GHR: variants seen among roughly 807,000 people sequenced by gnomAD.
GHR encodes the protein growth hormone receptor.
Under a neutral mutation model 67.1 loss-of-function variants are expected in GHR, and 35 were observed. The ratio of observed to expected loss-of-function variants is 0.52; its 90% confidence interval spans 0.40 to 0.69. GHR has a LOEUF of 0.69. Ranked by LOEUF, GHR falls within the 30% of genes least tolerant of loss-of-function variation. The probability of loss-of-function intolerance (pLI) is 0.00; values close to 1 mark genes in which losing one functional copy is unlikely to be tolerated. For missense variants in GHR, 792 were observed against 764.6 expected (o/e 1.04, Z -0.42); for synonymous variants, 272 against 269.1 (o/e 1.01, Z -0.10).
chr5:42,557,381 T>C (rs1437706376), intron 1 of GHR, among the ~76,000 whole-genome samples: 1 of 152,176 alleles, frequency 6.6e-6, no homozygotes, highest in Non-Finnish European at 1.5e-5. Context: ...CTCTTCATGA[T>C]ATATAAATGA....
chr5:42,472,818 CCTT>C (rs1168046256), intron 1 of GHR, among the ~76,000 whole-genome samples: 6 of 152,264 alleles, frequency 3.9e-5, no homozygotes, highest in African/African-American at 1.4e-4. Context: ...GGATTAGACT[CCTT>C]CTGCTGGATA....
intron 1 of GHR, among the ~76,000 whole-genome samples, chr5:42,523,552 A>G (rs1365746728): frequency 6.6e-6 from 1 of 152,150 alleles, no homozygotes; most frequent in Non-Finnish European, 1.5e-5. Flanking sequence ...TTGCACCCAT[A>G]TAAGGTGGGG....
chr5:42,664,747 G>A (rs375179820), intron 3 of GHR, among the ~76,000 whole-genome samples: 4 of 152,118 alleles, frequency 2.6e-5, no homozygotes, highest in Middle Eastern at 6.8e-3. Flanking sequence ...GACAAATGGG[G>A]TCTAATTAAA....
At chr5:42,442,315 G>T (rs930250044) in intron 1 of GHR, among the ~76,000 whole-genome samples, 2 of 152,202 alleles carry the variant, frequency 1.3e-5, no homozygotes, top group Admixed American at 1.3e-4. Context: ...TGAATTCATG[G>T]TACTACTGTT....
At chr5:42,576,102 A>G (rs1372973152) in intron 2 of GHR, among the ~76,000 whole-genome samples, 8 of 119,496 alleles carry the variant, frequency 6.7e-5, no homozygotes, top group African/African-American at 2.9e-4. Context: ...AATAAAATAA[A>G]TAAAATAAAA....
At chr5:42,575,964 G>A (rs1173734257) in intron 2 of GHR, among the ~76,000 whole-genome samples, 1 of 151,018 alleles carries the variant, frequency 6.6e-6, no homozygotes, top group African/African-American at 2.4e-5. Flanking sequence ...AACCCAGGAG[G>A]CAGAAGTTGC....
chr5:42,555,321 T>C (rs1749250054), intron 1 of GHR, among the ~76,000 whole-genome samples: 1 of 152,226 alleles, frequency 6.6e-6, no homozygotes, highest in Non-Finnish European at 1.5e-5. Flanking sequence ...TCAGCACTTA[T>C]GAATTATCAC....
chr5:42,472,586 A>G (rs1027531409), intron 1 of GHR, among the ~76,000 whole-genome samples: 2 of 152,214 alleles, frequency 1.3e-5, no homozygotes, highest in Non-Finnish European at 2.9e-5. Flanking sequence ...AGCCCATAAG[A>G]ATTTGAAGGA....
chr5:42,527,191 A>G (rs1297890687), intron 1 of GHR, among the ~76,000 whole-genome samples: 1 of 152,218 alleles, frequency 6.6e-6, no homozygotes, highest in Admixed American at 6.5e-5. Context: ...TAACCAGCTA[A>G]CAACACAATG....
chr5:42,628,293 G>A (rs534671699), intron 2 of GHR, among the ~76,000 whole-genome samples: 1 of 151,036 alleles, frequency 6.6e-6, no homozygotes, highest in South Asian at 2.1e-4. Context: ...TCCCATTTAG[G>A]GCTGCAGGTC....
chr5:42,507,973 T>C (rs185926995), intron 1 of GHR, among the ~76,000 whole-genome samples: 1 of 152,256 alleles, frequency 6.6e-6, no homozygotes, highest in Admixed American at 6.5e-5. Flanking sequence ...GGAATGGATA[T>C]GCTATAGGAG....
At chr5:42,678,460 A>G (rs952272828) in intron 3 of GHR, among the ~76,000 whole-genome samples, 14 of 152,176 alleles carry the variant, frequency 9.2e-5, no homozygotes, top group African/African-American at 3.1e-4. Flanking sequence ...GCAGCCCTGC[A>G]CATAGGTACA....
At chr5:42,515,527 G>A (rs1022427872) in intron 1 of GHR, among the ~76,000 whole-genome samples, 1 of 152,206 alleles carries the variant, frequency 6.6e-6, no homozygotes, top group Non-Finnish European at 1.5e-5. Context: ...AGTAATGGTC[G>A]ACACAGGCAG....
At chr5:42,504,744 C>T (rs575583935) in intron 1 of GHR, among the ~76,000 whole-genome samples, 13 of 152,034 alleles carry the variant, frequency 8.6e-5, no homozygotes, top group East Asian at 7.7e-4. Flanking sequence ...GAGAACGGAG[C>T]GAGATTCCGT....
At chr5:42,517,713 G>T (rs184797785) in intron 1 of GHR, among the ~76,000 whole-genome samples, 171 of 151,890 alleles carry the variant, frequency 1.1e-3, no homozygotes, top group African/African-American at 3.9e-3. Context: ...TATTGAAATT[G>T]TATGAGTTTC....
intron 1 of GHR, among the ~76,000 whole-genome samples, chr5:42,533,806 G>A (rs546490481): frequency 6.6e-6 from 1 of 151,788 alleles, no homozygotes; most frequent in East Asian, 1.9e-4. Flanking sequence ...CACCATATTT[G>A]TTTTCTTTTA....
Position 42,720,462 on chromosome 5 carries a change from C to A in GHR, c.*1038C>A, listed in dbSNP as rs532448303. The A allele has an allele frequency of 6.6e-6, 1 of 152,320 alleles. No homozygotes were observed. The highest frequency in any genetic ancestry group is 2.1e-4 in the South Asian group (1 of 4,828). The allele number at this position is 152,320 out of a possible 1,614,324, so 9.4% of individuals were successfully genotyped here. ...GCGTGCAGATGGTGAGAGATAAGAT[C>A]TATAGCCTCTGCAGCGGAATCTGTT... On this transcript the variant is annotated 3_prime_UTR_variant, in exon 10 of 10. Coordinates refer to ENST00000230882, the MANE Select transcript of GHR (RefSeq NM_000163.5).
chr5:42,689,275 G>C (rs751165911), intron 4 of GHR, among the ~76,000 whole-genome samples: 21 of 152,158 alleles, frequency 1.4e-4, no homozygotes, highest in Non-Finnish European at 2.4e-4. Context: ...CCAATGCAGG[G>C]AGACAGGCAA....
At chr5:42,534,823 CTGT>C (rs1748183952) in intron 1 of GHR, among the ~76,000 whole-genome samples, 2 of 151,824 alleles carry the variant, frequency 1.3e-5, no homozygotes, top group African/African-American at 4.8e-5. Context: ...CCAACATCTA[CTGT>C]TTTATTATTA....
Sources: gnomAD v4.1 joint callset for allele counts (sites outside exome capture counted in the v4.1 genomes callset) on GRCh38, gnomAD v4.1.1 for gene constraint, MANE v1.5 for transcripts, NCBI Gene and HGNC (gene_info 2026-07-23, HGNC 2026-07-21) for gene names.